Variants in ZDHHC21 observed in about 807,000 individuals in gnomAD.
The protein encoded by ZDHHC21 is palmitoyltransferase ZDHHC21.
Under a neutral mutation model 34.6 loss-of-function variants are expected in ZDHHC21, and 15 were observed. The observed-to-expected ratio is 0.43, with a 90% CI of 0.29 to 0.67. ZDHHC21 has a LOEUF of 0.67. Ranked by LOEUF, ZDHHC21 falls within the 30% of genes least tolerant of loss-of-function variation. The pLI, the probability that ZDHHC21 is intolerant of heterozygous loss-of-function variation, is 0.14. For synonymous variants in ZDHHC21, 142 were observed against 101.8 expected, an observed-to-expected ratio of 1.40 and a Z score of -2.38; for missense variants, 344 against 327.7, an observed-to-expected ratio of 1.05 and a Z score of -0.38.
the ZDHHC21 span, among the ~76,000 whole-genome samples, chr9:14,600,221 T>C: frequency 6.6e-6 from 1 of 152,240 alleles, no homozygotes; most frequent in East Asian, 1.9e-4. Flanking sequence ...ACATTGTCTC[T>C]GTTTGCAGAT....
intron 3 of ZDHHC21, among the ~76,000 whole-genome samples, chr9:14,675,337 T>A (rs1362843359): frequency 1.3e-5 from 2 of 151,952 alleles, no homozygotes; most frequent in Non-Finnish European, 2.9e-5. Context: ...TACAATGGTA[T>A]AATAATAAAC....
At chr9:14,683,480 C>T (rs997719866) in intron 2 of ZDHHC21, 1 of 152,134 alleles carries the variant, frequency 6.6e-6, no homozygotes. Flanking sequence ...GACACATACA[C>T]CCTCCCAAGA....
intron 8 of ZDHHC21, among the ~76,000 whole-genome samples, chr9:14,639,319 G>T (rs1017878197): frequency 2.5e-4 from 38 of 152,194 alleles, no homozygotes; most frequent in African/African-American, 9.1e-4. Context: ...TGATCTCATG[G>T]AGGTCAAGAA....
intron 7 of ZDHHC21, among the ~76,000 whole-genome samples, chr9:14,658,424 T>C (rs1005466187): frequency 1.3e-5 from 2 of 150,462 alleles, no homozygotes; most frequent in African/African-American, 2.4e-5. Flanking sequence ...TTAATAATTG[T>C]ATGCTACAAC....
At chr9:14,672,462 G>C (rs143330635) in intron 5 of ZDHHC21, among the ~76,000 whole-genome samples, 165 of 152,114 alleles carry the variant, frequency 1.1e-3, no homozygotes, top group African/African-American at 4.0e-3. Flanking sequence ...TAGATCCATG[G>C]TAATAAGATG....
intron 5 of ZDHHC21, among the ~76,000 whole-genome samples, chr9:14,663,541 T>A (rs1320960552): frequency 6.7e-6 from 1 of 149,386 alleles, no homozygotes; most frequent in Non-Finnish European, 1.5e-5. Context: ...CTTTTTTTTC[T>A]CTTTTTTTTC....
chr9:14,646,323 CAT>C (rs1564280764), intron 7 of ZDHHC21, among the ~76,000 whole-genome samples: 1 of 152,080 alleles, frequency 6.6e-6, no homozygotes, highest in Non-Finnish European at 1.5e-5. Context: ...TGCACTCCTT[CAT>C]ATGTGTATCA....
rs940379544 is a variant in ZDHHC21 at position 14,612,663 on chromosome 9, T to C, written c.*6303A>G. On this transcript the variant is annotated 3_prime_UTR_variant, in exon 10 of 10. Coordinates refer to ENST00000380916, the MANE Select transcript of ZDHHC21 (RefSeq NM_178566.6). ...TTGCTTAAATCAAGGTACATATGCA[T>C]TTCCTCTTGGGAAAGCATCTCTCTC... 3 of 151,852 alleles carry C rather than the reference T, an allele frequency of 2.0e-5. No individual in the cohort carries two copies. Among genetic ancestry groups the C allele is most frequent in the Non-Finnish European group, 4.4e-5 (3 of 67,842 alleles). The allele number at this position is 151,852 out of a possible 1,614,324, so 9.4% of individuals were successfully genotyped here.
the ZDHHC21 span, among the ~76,000 whole-genome samples, chr9:14,593,008 A>G: frequency 2.0e-5 from 3 of 152,176 alleles, no homozygotes; most frequent in Admixed American, 6.5e-5. Flanking sequence ...GTACAGCTAA[A>G]GTAGTACAGG....
At chr9:14,607,132 AAAT>A (rs1823038156), downstream of ZDHHC21, among the ~76,000 whole-genome samples, 1 of 150,600 alleles carries the variant, frequency 6.6e-6, no homozygotes, top group Non-Finnish European at 1.5e-5. Context: ...AGGAATGGTT[AAAT>A]AATAGTTTAT....
At chr9:14,688,439 A>G (rs1477851027) in intron 2 of ZDHHC21, among the ~76,000 whole-genome samples, 1 of 150,816 alleles carries the variant, frequency 6.6e-6, no homozygotes, top group Non-Finnish European at 1.5e-5. Context: ...ACAGTTTAAC[A>G]ATACCCCAGG....
At chr9:14,665,447 T>G (rs1471249966) in intron 5 of ZDHHC21, among the ~76,000 whole-genome samples, 1 of 148,812 alleles carries the variant, frequency 6.7e-6, no homozygotes, top group Non-Finnish European at 1.5e-5. Context: ...CAGGAGAACT[T>G]CCCCAATCTA....
At chr9:14,608,692 AT>A (rs753062558), downstream of ZDHHC21, among the ~76,000 whole-genome samples, 1 of 151,648 alleles carries the variant, frequency 6.6e-6, no homozygotes, top group Non-Finnish European at 1.5e-5. Flanking sequence ...CATATCCTCT[AT>A]CCTTCCTCAG....
chr9:14,604,422 T>C, the ZDHHC21 span, among the ~76,000 whole-genome samples: 1 of 152,192 alleles, frequency 6.6e-6, no homozygotes, highest in African/African-American at 2.4e-5. Context: ...AATGTAAAAT[T>C]TGAAAATAGT....
Position 14,611,823 on chromosome 9 carries a change from C to T in ZDHHC21, c.*7143G>A, listed in dbSNP as rs537868366. 3.3e-5 allele frequency: 5 copies of T among 152,118 alleles called. No homozygotes were observed. The highest frequency in any genetic ancestry group is 4.2e-4 in the South Asian group (2 of 4,818). The allele number at this position is 152,118 out of a possible 1,614,324, so 9.4% of individuals were successfully genotyped here. On this transcript the variant is annotated 3_prime_UTR_variant, in exon 10 of 10. Coordinates refer to ENST00000380916, the MANE Select transcript of ZDHHC21 (RefSeq NM_178566.6). ...CGTGTTAGACTCACAATTCACTTGTCGGAATATCTCTGATTCTGGTGGAAG... is the reference window on the plus strand; with the variant it reads ...CGTGTTAGACTCACAATTCACTTGTTGGAATATCTCTGATTCTGGTGGAAG...
rs907318921 is a variant in ZDHHC21 at position 14,617,404 on chromosome 9, C to T, written c.*1562G>A. ...ACTTACTCTATTATTTCAGAATATG[C>T]TACAAGATATTTACAATTTCTGAAA... On this transcript the variant is annotated 3_prime_UTR_variant, in exon 10 of 10. Transcript: ENST00000380916. The T allele has an allele frequency of 6.6e-6, 1 of 151,898 alleles. No homozygotes were observed. 9.4% of individuals were successfully genotyped at this position (151,898 alleles called of 1,614,324 possible). A position where few individuals can be genotyped will look rare whatever the true frequency, so the allele number is the denominator to read the frequency against.
the ZDHHC21 span, chr9:14,593,940 G>C: frequency 2.6e-5 from 4 of 152,314 alleles, no homozygotes; most frequent in African/African-American, 9.6e-5. Flanking sequence ...GATGTACCCT[G>C]TTCCTGGCTT....
At chr9:14,690,510 CT>C in intron 1 of ZDHHC21, 125 bp from the exon 2 acceptor site, 1 of 373,450 alleles carries the variant, frequency 2.7e-6, no homozygotes, top group South Asian at 2.1e-5. Context: ...CCAACCTGCC[CT>C]TTTGTAGAAG....
Position 14,672,847 on chromosome 9 carries a change from G to C in ZDHHC21, c.236C>G (p.Pro79Arg), listed in dbSNP as rs1835724320. The change falls in exon 5 of 10, where the codon CCC (proline) becomes CGC (arginine). Residue 79 changes from proline (P) to arginine (R), a missense_variant. Physicochemically the swap from Pro to Arg is moderately radical, Grantham distance 103. Transcript: ENST00000380916. The stretch of plus-strand genomic sequence containing the variant: ...TACCATACCTCCATGTGGGATCTTG[G>C]GGTTCTCAGGGAGTCTTCCTGGATC... ...ITDPGRLPEN[P>R]KIPHGEREFW... 6.2e-6 allele frequency: 10 copies of C among 1,607,372 alleles called. No homozygotes were observed. The highest frequency in any genetic ancestry group is 8.5e-6 in the Non-Finnish European group (10 of 1,175,664).
Sources: allele counts gnomAD v4.1 joint callset (sites outside exome capture counted in the v4.1 genomes callset), GRCh38; gene constraint gnomAD v4.1.1; transcripts MANE v1.5; gene names NCBI Gene and HGNC (gene_info 2026-07-23, HGNC 2026-07-21).